HDAC9: variants seen among roughly 807,000 people sequenced by gnomAD.
HDAC9 encodes histone deacetylase 9.
HDAC9 carries 41 observed loss-of-function variants against 139.4 expected under a neutral mutation model. That is an observed-to-expected ratio of 0.29 (90% CI 0.23 to 0.38). HDAC9 has a LOEUF of 0.38. Among genes scored for constraint, HDAC9 ranks in the 10% least tolerant of loss-of-function variants. The probability of loss-of-function intolerance (pLI) is 1.00; values close to 1 mark genes in which losing one functional copy is unlikely to be tolerated. For missense variants in HDAC9, 1,147 were observed against 1,297.0 expected, an observed-to-expected ratio of 0.88 and a Z score of 1.78; for synonymous variants, 517 against 476.2, an observed-to-expected ratio of 1.09 and a Z score of -1.12.
rs1171055959 is a variant in HDAC9 at position 18,946,036 on chromosome 7, CAAAAAAAAAAAAAAAAA to C, written c.2938-8088_2938-8072del. ...TGGGTGATAGTACAAGACTCCGTCT[CAAAAAAAAAAAAAAAAA>C]AAAAAAAAAAAAAAAAAAAAAGACC... is the stretch of plus-strand genomic sequence containing the variant. On this transcript the variant is annotated intron_variant, in intron 23 of 25. Transcript: ENST00000686413. Among the ~76,000 whole-genome samples, 24 of 38,276 alleles carry C rather than the reference CAAAAAAAAAAAAAAAAA, an allele frequency of 6.3e-4. No individual in the cohort carries two copies. In the South Asian group the frequency reaches 9.4e-3, roughly 15 times the overall value. The allele number at this position is 38,276 out of a possible 152,430, so 25.1% of individuals were successfully genotyped here.
At chr7:18,973,488 T>C (rs893192907) in intron 24 of HDAC9, among the ~76,000 whole-genome samples, 2 of 152,148 alleles carry the variant, frequency 1.3e-5, no homozygotes, top group African/African-American at 4.8e-5. Context: ...TGAAAGTAAG[T>C]TTAATAGTAG....
chr7:18,829,567 A>G lies in HDAC9; in HGVS notation c.2466+19A>G. On this transcript the variant is annotated intron_variant, in intron 19 of 25. Transcript: ENST00000686413. The stretch of plus-strand genomic sequence containing the variant: ...AGATCTGGTATGTATTCCTGGCCAG[A>G]GCTGCATTTTCAGTGATTCTAGATA... 6.8e-7 allele frequency: 1 copy of G among 1,474,498 alleles called. No individual in the cohort carries two copies. Among genetic ancestry groups the G allele is most frequent in the Non-Finnish European group, 9.4e-7 (1 of 1,060,988 alleles). 91.3% of individuals were successfully genotyped at this position (1,474,498 alleles called of 1,614,324 possible).
intron 24 of HDAC9, among the ~76,000 whole-genome samples, chr7:18,956,249 C>A (rs540280458): frequency 6.6e-6 from 1 of 152,180 alleles, no homozygotes; most frequent in African/African-American, 2.4e-5. Flanking sequence ...GTACCCCACC[C>A]AGCTTGGAGC....
In HDAC9 at chr7:18,304,518, TGGGGAC is replaced by T. The variant is rs147042176; in HGVS notation, c.-42+14004_-42+14009del. Among the ~76,000 whole-genome samples the T allele has an allele frequency of 2.3e-3, 348 of 152,274 alleles. 2 individuals are homozygous for T. The highest frequency in any genetic ancestry group is 3.2e-3 in the Non-Finnish European group (221 of 68,014). On this transcript the variant is annotated intron_variant, in intron 1 of 3. Transcript: ENST00000413509. ...AGGTAAAGTAATGTGGGTTGTGTTTTGGGGACCCTCAGGCTATTTAGCAGGGGACAC... is the reference window on the plus strand; with the variant it reads ...AGGTAAAGTAATGTGGGTTGTGTTTTCCTCAGGCTATTTAGCAGGGGACAC...
intron 12 of HDAC9, chr7:18,667,709 C>T (rs1312594736): frequency 1.0e-6 from 1 of 984,970 alleles, no homozygotes; most frequent in African/African-American, 1.7e-5. Context: ...GAAAAAAAAT[C>T]TGAGGATAGT....
intron 17 of HDAC9, among the ~76,000 whole-genome samples, chr7:18,827,633 T>G (rs1032682323): frequency 1.3e-5 from 2 of 152,334 alleles, no homozygotes; most frequent in African/African-American, 4.8e-5. Context: ...GGGTGTTTTC[T>G]TCTTTGTGTT....
intron 15 of HDAC9, among the ~76,000 whole-genome samples, chr7:18,764,169 C>A (rs1427190283): frequency 1.3e-5 from 2 of 151,950 alleles, no homozygotes; most frequent in Non-Finnish European, 2.9e-5. Flanking sequence ...GACAAAGGTT[C>A]TTTTCATGTA....
chr7:18,461,892 A>T (rs1232801208), intron 1 of HDAC9, among the ~76,000 whole-genome samples: 1 of 152,164 alleles, frequency 6.6e-6, no homozygotes, highest in Non-Finnish European at 1.5e-5. Context: ...CATCTTATGT[A>T]CCAGACATTC....
intron 2 of HDAC9, among the ~76,000 whole-genome samples, chr7:18,514,250 G>A (rs1802486743): frequency 6.6e-6 from 1 of 152,150 alleles, no homozygotes; most frequent in Non-Finnish European, 1.5e-5. Flanking sequence ...TCTAATAGAA[G>A]TAGAAAGAAA....
intron 2 of HDAC9, among the ~76,000 whole-genome samples, chr7:18,243,378 A>T (rs750707459): frequency 6.6e-6 from 1 of 152,192 alleles, no homozygotes; most frequent in Non-Finnish European, 1.5e-5. Context: ...TTAGAGTTAG[A>T]ATGATCCATG....
At chr7:18,184,058 T>G (rs1789716692) in intron 2 of HDAC9, among the ~76,000 whole-genome samples, 1 of 152,212 alleles carries the variant, frequency 6.6e-6, no homozygotes, top group Middle Eastern at 3.4e-3. Context: ...GGACCAGAAG[T>G]TTTTAGATTT....
chr7:18,241,020 C>A (rs536668257), intron 2 of HDAC9, among the ~76,000 whole-genome samples: 5 of 152,248 alleles, frequency 3.3e-5, no homozygotes, highest in African/African-American at 9.6e-5. Context: ...ACCGTGAGAT[C>A]TTTGATCTCA....
chr7:18,907,917 AT>A (rs1802407982), intron 22 of HDAC9, among the ~76,000 whole-genome samples: 2 of 152,112 alleles, frequency 1.3e-5, no homozygotes, highest in Non-Finnish European at 2.9e-5. Flanking sequence ...AATGTATTTT[AT>A]TCTGTACACA....
At chr7:18,690,645 T>C (rs17139658) in intron 12 of HDAC9, among the ~76,000 whole-genome samples, 20,025 of 151,970 alleles carry the variant, frequency 0.13, 1,813 homozygotes, top group East Asian at 0.38. Flanking sequence ...TTATTTTTTT[T>C]AAATGTGGCT....
chr7:18,188,118 C>T (rs1227100925), intron 2 of HDAC9, among the ~76,000 whole-genome samples: 2 of 152,132 alleles, frequency 1.3e-5, no homozygotes, highest in African/African-American at 2.4e-5. Flanking sequence ...TCTACAGTAA[C>T]CAAAACAGCA....
intron 1 of HDAC9, among the ~76,000 whole-genome samples, chr7:18,413,232 T>C (rs1227197636): frequency 6.6e-6 from 1 of 152,170 alleles, no homozygotes; most frequent in Non-Finnish European, 1.5e-5. Context: ...AAAAGGAAAG[T>C]AGAGCAGAAG....
At chr7:18,114,997 A>G (rs945430344) in intron 1 of HDAC9, among the ~76,000 whole-genome samples, 1 of 152,210 alleles carries the variant, frequency 6.6e-6, no homozygotes, top group Non-Finnish European at 1.5e-5. Context: ...GTATATTTCT[A>G]AAAAATTCAT....
intron 2 of HDAC9, among the ~76,000 whole-genome samples, chr7:18,165,253 T>C (rs1787922245): frequency 6.6e-6 from 1 of 152,176 alleles, no homozygotes; most frequent in Admixed American, 6.5e-5. Flanking sequence ...GACTCCTCCC[T>C]GAAAGAGTAT....
At chr7:18,921,724 C>G (rs1388504676) in intron 22 of HDAC9, among the ~76,000 whole-genome samples, 1 of 152,120 alleles carries the variant, frequency 6.6e-6, no homozygotes, top group African/African-American at 2.4e-5. Flanking sequence ...CATCCCATTA[C>G]TGGGTATATA....
Sources: allele counts gnomAD v4.1 joint callset (sites outside exome capture counted in the v4.1 genomes callset), GRCh38; gene constraint gnomAD v4.1.1; transcripts MANE v1.5; gene names NCBI Gene and HGNC (gene_info 2026-07-23, HGNC 2026-07-21).